Variants in ITFG1 observed in about 807,000 individuals in gnomAD.
ITFG1 encodes the protein T-cell immunomodulatory protein.
ITFG1 carries 34 observed loss-of-function variants against 81.8 expected under a neutral mutation model. The ratio of observed to expected loss-of-function variants is 0.42; its 90% CI spans 0.32 to 0.55. The LOEUF (loss-of-function observed/expected upper bound fraction) is 0.55. Among genes scored for constraint, ITFG1 ranks in the 20% least tolerant of loss-of-function variants. The pLI, the probability that ITFG1 is intolerant of heterozygous loss-of-function variation, is 0.17. For synonymous variants in ITFG1, 285 were observed against 270.6 expected (o/e 1.05, Z -0.52); for missense variants, 672 against 755.4 (o/e 0.89, Z 1.29).
At chr16:47,339,086 A>G (rs1312769357) in intron 8 of ITFG1, among the ~76,000 whole-genome samples, 1 of 152,212 alleles carries the variant, frequency 6.6e-6, no homozygotes, top group Non-Finnish European at 1.5e-5. Context: ...TCTTTCATTT[A>G]ACAGAATGAC....
At chr16:47,237,673 T>C (rs983646668) in intron 13 of ITFG1, among the ~76,000 whole-genome samples, 2 of 152,202 alleles carry the variant, frequency 1.3e-5, no homozygotes, top group African/African-American at 4.8e-5. Flanking sequence ...AGGCATCTAA[T>C]CTAAACAAGT....
intron 14 of ITFG1, among the ~76,000 whole-genome samples, chr16:47,201,689 A>G (rs906054799): frequency 7.9e-5 from 12 of 152,194 alleles, no homozygotes; most frequent in African/African-American, 2.9e-4. Context: ...CTCAGCAAAA[A>G]AAGAAATTTA....
chr16:47,439,348 C>T (rs1022297029), intron 5 of ITFG1, among the ~76,000 whole-genome samples: 9 of 152,160 alleles, frequency 5.9e-5, no homozygotes, highest in Admixed American at 2.6e-4. Flanking sequence ...CACAAAGATA[C>T]TCCTCGAGAA....
intron 10 of ITFG1, among the ~76,000 whole-genome samples, chr16:47,297,230 A>G (rs1966996650): frequency 6.6e-6 from 1 of 152,114 alleles, no homozygotes. Context: ...TGATATGAAT[A>G]TAGTTACTCC....
chr16:47,216,950 C>T (rs755889305), intron 14 of ITFG1, among the ~76,000 whole-genome samples: 3 of 152,028 alleles, frequency 2.0e-5, no homozygotes, highest in Non-Finnish European at 4.4e-5. Flanking sequence ...GAGCACCTGG[C>T]CTGAATTATT....
At chr16:47,364,257 GAT>G (rs1347603057) in intron 8 of ITFG1, among the ~76,000 whole-genome samples, 13 of 152,182 alleles carry the variant, frequency 8.5e-5, no homozygotes, top group Admixed American at 7.2e-4. Context: ...TGGAGCAATA[GAT>G]ATGTTTCTTA....
chr16:47,442,911 T>A (rs962800032), intron 5 of ITFG1, among the ~76,000 whole-genome samples: 2 of 152,102 alleles, frequency 1.3e-5, no homozygotes, highest in African/African-American at 2.4e-5. Flanking sequence ...GGGATCTAAT[T>A]AAACTAAAGA....
intron 14 of ITFG1, among the ~76,000 whole-genome samples, chr16:47,168,717 A>C (rs1964923891): frequency 6.6e-6 from 1 of 152,108 alleles, no homozygotes; most frequent in Non-Finnish European, 1.5e-5. Context: ...AAAAAGCTTT[A>C]CATTTTTGCA....
intron 6 of ITFG1, among the ~76,000 whole-genome samples, chr16:47,420,700 G>A (rs2151606432): frequency 6.6e-6 from 1 of 152,282 alleles, no homozygotes; most frequent in East Asian, 1.9e-4. Context: ...CATGATCTCT[G>A]TGCATATCAG....
intron 14 of ITFG1, among the ~76,000 whole-genome samples, chr16:47,180,537 C>G (rs1965095170): frequency 6.6e-6 from 1 of 152,124 alleles, no homozygotes; most frequent in Admixed American, 6.5e-5. Context: ...CACGCGCCGC[C>G]ACGCCTGACT....
intron 6 of ITFG1, among the ~76,000 whole-genome samples, chr16:47,381,053 C>G (rs1192483029): frequency 6.6e-6 from 1 of 152,178 alleles, no homozygotes; most frequent in Non-Finnish European, 1.5e-5. Context: ...TATCTCCATT[C>G]ATAGCTTGAA....
chr16:47,203,776 T>C (rs936779759), intron 14 of ITFG1, among the ~76,000 whole-genome samples: 11 of 152,188 alleles, frequency 7.2e-5, no homozygotes, highest in Admixed American at 2.6e-4. Context: ...AGGCCATGGA[T>C]TGGTACTGGT....
chr16:47,420,556 C>G (rs1968932793), intron 6 of ITFG1, among the ~76,000 whole-genome samples: 1 of 152,132 alleles, frequency 6.6e-6, no homozygotes, highest in Admixed American at 6.6e-5. Flanking sequence ...GGGGGCAGAT[C>G]CCTTATGAAT....
At chr16:47,349,287 C>T (rs1444179506) in intron 8 of ITFG1, among the ~76,000 whole-genome samples, 2 of 152,048 alleles carry the variant, frequency 1.3e-5, no homozygotes, top group Non-Finnish European at 2.9e-5. Flanking sequence ...AGAGTCAGAC[C>T]CATCAGTGTG....
Position 47,280,918 on chromosome 16 carries a change from CA to C in ITFG1, c.1071-20224del, listed in dbSNP as rs939013451. Among the ~76,000 whole-genome samples, 8 of 152,172 alleles carry C rather than the reference CA, an allele frequency of 5.3e-5. No homozygotes were observed. In the South Asian group the frequency reaches 1.7e-3, roughly 32 times the overall value. On this transcript the variant is annotated intron_variant, in intron 10 of 17. Coordinates refer to ENST00000320640, the MANE Select transcript of ITFG1 (RefSeq NM_030790.5). Reference sequence around the variant, plus strand: ...GTGGGACACTCTAACTCCATGGGGACAAAAAAGGCCATGCTTGTGACCCTTG... The same window carrying C: ...GTGGGACACTCTAACTCCATGGGGACAAAAAGGCCATGCTTGTGACCCTTG...
intron 10 of ITFG1, among the ~76,000 whole-genome samples, chr16:47,270,171 AC>A (rs988030268): frequency 6.6e-6 from 1 of 152,184 alleles, no homozygotes; most frequent in African/African-American, 2.4e-5. Flanking sequence ...TAGTTACGAC[AC>A]TAAAACCATA....
intron 13 of ITFG1, among the ~76,000 whole-genome samples, chr16:47,221,411 GC>G (rs775936520): frequency 2.3e-4 from 35 of 152,280 alleles, no homozygotes; most frequent in Middle Eastern, 3.4e-3. Context: ...TATTGAACCA[GC>G]CTTGCATCCC....
In ITFG1 at chr16:47,384,053, T is replaced by C. The variant is rs540364988; in HGVS notation, c.656-8113A>G. 9.8e-5 allele frequency among the ~76,000 whole-genome samples: 15 copies of C among 152,312 alleles called. No homozygotes were observed. In the East Asian group the frequency reaches 2.9e-3, roughly 29 times the overall value. On this transcript the variant is annotated intron_variant, in intron 6 of 17. Transcript: ENST00000320640. ...ACATGATGGACTCCTAGTCATGGGGTATGTGTTAGAAAAAAACTCTTAATT... is the reference window on the plus strand; with the variant it reads ...ACATGATGGACTCCTAGTCATGGGGCATGTGTTAGAAAAAAACTCTTAATT...
At chr16:47,159,054 G>T in intron 16 of ITFG1, 64 bp from the exon 17 acceptor site, 1 of 836,264 alleles carries the variant, frequency 1.2e-6, no homozygotes, top group Non-Finnish European at 1.8e-6. Flanking sequence ...AAGTTATATT[G>T]AGACCCCAAA....
Sources: allele counts gnomAD v4.1 joint callset (sites outside exome capture counted in the v4.1 genomes callset), GRCh38; gene constraint gnomAD v4.1.1; transcripts MANE v1.5; gene names NCBI Gene and HGNC (gene_info 2026-07-23, HGNC 2026-07-21).